The following C7orf33 variants were observed in gnomAD, a reference collection of about 807,000 sequenced individuals.
The protein encoded by C7orf33 is uncharacterized protein C7orf33.
C7orf33 carries 15 observed loss-of-function variants against 13.4 expected under a neutral mutation model. The ratio of observed to expected loss-of-function variants is 1.12; its 90% CI spans 0.75 to 1.72. C7orf33 has a LOEUF of 1.72. Among genes scored for constraint, C7orf33 ranks in the 40% most tolerant of loss-of-function variants. The pLI is 0.00. For synonymous variants in C7orf33, 73 were observed against 83.2 expected (o/e 0.88, Z 0.67); for missense variants, 187 against 220.3 (o/e 0.85, Z 0.96).
At chr7:148,595,713 ATATT>A (rs1796331707) in intron 1 of C7orf33, among the ~76,000 whole-genome samples, 1 of 136,472 alleles carries the variant, frequency 7.3e-6, no homozygotes, top group Non-Finnish European at 1.5e-5. Flanking sequence ...CATATTATAT[ATATT>A]ATATATAATA....
intron 1 of C7orf33, among the ~76,000 whole-genome samples, chr7:148,612,069 T>A (rs1733477170): frequency 6.6e-6 from 1 of 152,268 alleles, no homozygotes; most frequent in South Asian, 2.1e-4. Context: ...CCTGGTTTCC[T>A]TGCACTATCA....
intron 1 of C7orf33, among the ~76,000 whole-genome samples, chr7:148,598,715 T>A (rs1796371664): frequency 1.1e-5 from 1 of 92,676 alleles, no homozygotes; most frequent in Non-Finnish European, 2.2e-5. Context: ...TAAAAAAAAT[T>A]TCATTCCTGG....
chr7:148,593,791 C>T (rs1389813617), intron 1 of C7orf33, among the ~76,000 whole-genome samples: 1 of 151,934 alleles, frequency 6.6e-6, no homozygotes, highest in African/African-American at 2.4e-5. Flanking sequence ...GGGTCAGAGC[C>T]CAGAGAGATG....
intron 1 of C7orf33, among the ~76,000 whole-genome samples, chr7:148,604,383 TC>T (rs1290615071): frequency 6.6e-6 from 1 of 152,182 alleles, no homozygotes; most frequent in Non-Finnish European, 1.5e-5. Flanking sequence ...CACCTCGGCC[TC>T]CCACAGTGCT....
At chr7:148,597,565 A>G (rs1340849041) in intron 1 of C7orf33, among the ~76,000 whole-genome samples, 1 of 152,152 alleles carries the variant, frequency 6.6e-6, no homozygotes, top group Non-Finnish European at 1.5e-5. Context: ...TACAGGTGTG[A>G]GCCACTGTAC....
chr7:148,599,968 G>A (rs1796393940), intron 1 of C7orf33, among the ~76,000 whole-genome samples: 1 of 152,166 alleles, frequency 6.6e-6, no homozygotes, highest in Admixed American at 6.5e-5. Flanking sequence ...CCACCCCTTG[G>A]CCACTTTGGG....
chr7:148,610,410 C>T (rs1439047390), intron 1 of C7orf33, among the ~76,000 whole-genome samples: 1 of 152,090 alleles, frequency 6.6e-6, no homozygotes, highest in African/African-American at 2.4e-5. Context: ...CCCAGCCTAC[C>T]TCTTTCTCCC....
At chr7:148,595,525 T>C (rs1448473223) in intron 1 of C7orf33, among the ~76,000 whole-genome samples, 11 of 133,196 alleles carry the variant, frequency 8.3e-5, no homozygotes, top group Admixed American at 4.8e-4. Flanking sequence ...AGCTATAGTA[T>C]ATATAATATA....
intron 2 of C7orf33, among the ~76,000 whole-genome samples, chr7:148,614,692 G>C (rs1042345688): frequency 2.0e-5 from 3 of 152,112 alleles, no homozygotes; most frequent in African/African-American, 7.2e-5. Flanking sequence ...CTATGGCTTC[G>C]GTCCTACGTG....
intron 1 of C7orf33, among the ~76,000 whole-genome samples, chr7:148,612,811 C>A (rs2116904496): frequency 6.6e-6 from 1 of 151,666 alleles, no homozygotes; most frequent in African/African-American, 2.4e-5. Context: ...ATGGTGCCAG[C>A]CACTTTGACA....
chr7:148,615,312 G>A lies in C7orf33; in HGVS notation c.460-15G>A, dbSNP rs6975281. On this transcript the variant is annotated splice_polypyrimidine_tract_variant and intron_variant, in intron 2 of 2. Coordinates refer to ENST00000307003, the MANE Select transcript of C7orf33 (RefSeq NM_145304.4). ...TCATCCTGAGATAACAGAAGTCTTC[G>A]TAATCCACATGTAGGTACGTGGGCA... The A allele has an allele frequency of 4.8e-3, 7,609 of 1,580,072 alleles. 296 individuals are homozygous for A. The African/African-American group carries it at 0.088, about 18-fold the overall frequency.
intron 2 of C7orf33, among the ~76,000 whole-genome samples, chr7:148,614,887 C>T (rs1796583860): frequency 6.6e-6 from 1 of 152,132 alleles, no homozygotes; most frequent in African/African-American, 2.4e-5. Context: ...ATTATTGTTG[C>T]CTGTATCACT....
intron 1 of C7orf33, among the ~76,000 whole-genome samples, chr7:148,610,457 G>T (rs753531597): frequency 3.3e-5 from 5 of 152,130 alleles, no homozygotes; most frequent in Non-Finnish European, 5.9e-5. Context: ...ATCAGACTCC[G>T]AGTTCTTCAG....
At chr7:148,606,931 A>AT (rs1554449216) in intron 1 of C7orf33, among the ~76,000 whole-genome samples, 4 of 20,160 alleles carry the variant, frequency 2.0e-4, no homozygotes, top group African/African-American at 3.1e-4. Flanking sequence ...TTAAAAAAAA[A>AT]ATACACACAC....
At chr7:148,611,459 G>A (rs934975462) in intron 1 of C7orf33, among the ~76,000 whole-genome samples, 11 of 152,186 alleles carry the variant, frequency 7.2e-5, no homozygotes, top group African/African-American at 2.7e-4. Flanking sequence ...AGGGAAGGTC[G>A]GCCAGGGGTG....
Position 148,614,161 on chromosome 7 carries a change from A to G in C7orf33, c.324A>G (p.Arg108=), listed in dbSNP as rs1460324887. Reference sequence around the variant, plus strand: ...CTCAAGGTCCCACGGATGCCCAGAGAGCAGTCAGAATCAGGCCAGGCACCA... The same window carrying G: ...CTCAAGGTCCCACGGATGCCCAGAGGGCAGTCAGAATCAGGCCAGGCACCA... The part of the protein sequence containing the change: ...FLSQGPTDAQ[R]AVRIRPGTRM... Residue 108 remains arginine (R), a synonymous_variant, in exon 2 of 3, where the codon AGA becomes AGG. Transcript: ENST00000307003. 1.2e-6 allele frequency: 2 copies of G among 1,614,196 alleles called. No homozygotes were observed. The highest frequency in any genetic ancestry group is 1.3e-5 in the African/African-American group (1 of 75,040).
intron 1 of C7orf33, among the ~76,000 whole-genome samples, chr7:148,604,839 G>T (rs936862973): frequency 1.3e-5 from 2 of 152,032 alleles, no homozygotes; most frequent in African/African-American, 4.8e-5. Flanking sequence ...CCAAAAAAAG[G>T]CAGAGAAAAA....
At chr7:148,594,496 T>C (rs942474159) in intron 1 of C7orf33, among the ~76,000 whole-genome samples, 1 of 152,108 alleles carries the variant, frequency 6.6e-6, no homozygotes, top group Non-Finnish European at 1.5e-5. Flanking sequence ...CTTTATAAAT[T>C]ACCCAGCCTT....
intron 1 of C7orf33, among the ~76,000 whole-genome samples, chr7:148,609,623 A>C (rs1796513178): frequency 2.0e-5 from 3 of 152,154 alleles, no homozygotes; most frequent in Admixed American, 6.5e-5. Flanking sequence ...CTCTCTAAGG[A>C]GGGAGGAAGG....
Sources: allele counts gnomAD v4.1 joint callset (sites outside exome capture counted in the v4.1 genomes callset), GRCh38; gene constraint gnomAD v4.1.1; transcripts MANE v1.5; gene names NCBI Gene and HGNC (gene_info 2026-07-23, HGNC 2026-07-21).